PITPNM3: variants seen among roughly 807,000 people sequenced by gnomAD.
The protein encoded by PITPNM3 is membrane-associated phosphatidylinositol transfer protein 3.
PITPNM3 carries 26 observed loss-of-function variants against 102.0 expected under a neutral mutation model. That is an observed-to-expected ratio of 0.25 (90% CI 0.19 to 0.35). The LOEUF is 0.35. PITPNM3 is among the 10% of genes least tolerant of loss of function. The pLI, the probability that PITPNM3 is intolerant of heterozygous loss-of-function variation, is 1.00. For synonymous variants in PITPNM3, 578 were observed against 558.6 expected (o/e 1.03, Z -0.49); for missense variants, 1,083 against 1,346.1 (o/e 0.80, Z 3.06).
At position 6,452,036 on chromosome 17, in the gene PITPNM3, A is replaced by G. The variant is rs1227024397; in HGVS notation, c.*3302T>C. ...CTCCAGGGCACAGGTATGGGTCCCA[A>G]AGGGGTAAAAATACAGTTTAAAAAC... On this transcript the variant is annotated 3_prime_UTR_variant, in exon 20 of 20. Transcript: ENST00000262483. 1 of 152,082 alleles carries G rather than the reference A, an allele frequency of 6.6e-6. No individual in the cohort carries two copies. The highest frequency in any genetic ancestry group is 1.5e-5 in the Non-Finnish European group (1 of 68,004). The allele number at this position is 152,082 out of a possible 1,614,324, so 9.4% of individuals were successfully genotyped here.
intron 1 of PITPNM3, among the ~76,000 whole-genome samples, chr17:6,549,055 C>T (rs908097683): frequency 2.6e-5 from 4 of 152,062 alleles, no homozygotes; most frequent in Non-Finnish European, 5.9e-5. Flanking sequence ...GCTCCCAACA[C>T]CCCCAGGAAC....
In PITPNM3 at chr17:6,534,305, G is replaced by A. The variant is rs1023408197; in HGVS notation, c.118+3682C>T. ...TAGCCAGAGGAGCTGGCACCCTGCCGAGGAGTTGTTATGGTTCCAGAGAGC... is the reference window on the plus strand; with the variant it reads ...TAGCCAGAGGAGCTGGCACCCTGCCAAGGAGTTGTTATGGTTCCAGAGAGC... On this transcript the variant is annotated intron_variant, in intron 2 of 19. Coordinates refer to ENST00000262483, the MANE Select transcript of PITPNM3 (RefSeq NM_031220.4). Among the ~76,000 whole-genome samples, 16 of 152,298 alleles carry A rather than the reference G, an allele frequency of 1.1e-4. No individual in the cohort carries two copies. The South Asian group carries it at 1.7e-3, about 16-fold the overall frequency.
chr17:6,532,105 TAA>T (rs780964428), intron 2 of PITPNM3, among the ~76,000 whole-genome samples: 76 of 135,358 alleles, frequency 5.6e-4, no homozygotes, highest in African/African-American at 8.2e-4. Flanking sequence ...AAACTCCGTC[TAA>T]AAAAAAAAAA....
intron 19 of PITPNM3, among the ~76,000 whole-genome samples, chr17:6,456,613 T>C (rs1046592262): frequency 1.3e-5 from 2 of 152,148 alleles, no homozygotes; most frequent in Admixed American, 1.3e-4. Flanking sequence ...CAGGTGATGC[T>C]TGTGCACTTC....
At chr17:6,536,126 C>T (rs1489306364) in intron 2 of PITPNM3, among the ~76,000 whole-genome samples, 1 of 151,518 alleles carries the variant, frequency 6.6e-6, no homozygotes, top group Non-Finnish European at 1.5e-5. Context: ...AACACAGGGC[C>T]ACCAACATGG....
At chr17:6,506,037 G>C (rs1197131674) in intron 3 of PITPNM3, among the ~76,000 whole-genome samples, 1 of 152,142 alleles carries the variant, frequency 6.6e-6, no homozygotes, top group Non-Finnish European at 1.5e-5. Context: ...GGGTGTGAGA[G>C]AGCATGGTCC....
intron 4 of PITPNM3, among the ~76,000 whole-genome samples, chr17:6,485,997 T>C (rs1384460028): frequency 6.6e-6 from 1 of 152,152 alleles, no homozygotes; most frequent in East Asian, 1.9e-4. Flanking sequence ...TCTGGCCCTT[T>C]CCAGAAATGT....
intron 14 of PITPNM3, among the ~76,000 whole-genome samples, chr17:6,466,331 C>T (rs1904766665): frequency 6.6e-6 from 1 of 152,200 alleles, no homozygotes; most frequent in Non-Finnish European, 1.5e-5. Context: ...TAATTCAATC[C>T]AACAAATATC....
intron 3 of PITPNM3, among the ~76,000 whole-genome samples, chr17:6,508,943 G>C (rs766936552): frequency 1.3e-5 from 2 of 152,178 alleles, no homozygotes; most frequent in Non-Finnish European, 2.9e-5. Context: ...CAACTGTGCA[G>C]CTGGCTCAGC....
At chr17:6,542,563 A>G (rs575018353) in intron 1 of PITPNM3, among the ~76,000 whole-genome samples, 1 of 152,334 alleles carries the variant, frequency 6.6e-6, no homozygotes, top group South Asian at 2.1e-4. Context: ...ACCAGTGGCT[A>G]ATCTAGGACC....
Position 6,468,413 on chromosome 17 carries a change from C to A in PITPNM3, c.1774-72G>T. On this transcript the variant is annotated intron_variant, in intron 13 of 19. Transcript: ENST00000262483. This position sits in a 1 kb window ranked among gnomAD's most constrained non-coding sequence, Gnocchi z 5.2. ...TGCTTCCCTCCCAGGGTGTCAGTGC[C>A]CACCAGCTTGTGGCCAGCTGGGCCC... is the stretch of plus-strand genomic sequence containing the variant. The A allele has an allele frequency of 6.7e-7, 1 of 1,498,502 alleles. No individual in the cohort carries two copies. 92.8% of individuals were successfully genotyped at this position (1,498,502 alleles called of 1,614,324 possible). A position where few individuals can be genotyped will look rare whatever the true frequency, so the allele number is the denominator to read the frequency against.
rs568717902 is a variant in PITPNM3, at chr17:6,503,871, C to T, written c.227-297G>A. Among the ~76,000 whole-genome samples, 947 of 152,246 alleles carry T rather than the reference C, an allele frequency of 6.2e-3. 12 individuals are homozygous for T. Among genetic ancestry groups the T allele is most frequent in the African/African-American group, 0.021 (891 of 41,532 alleles). On this transcript the variant is annotated intron_variant, in intron 3 of 19. Transcript: ENST00000262483. The stretch of plus-strand genomic sequence containing the variant: ...CTCTCCTCCCTCCTCTATAAAGCAG[C>T]GGCTTCCCAGGAGCTGCCTGCCTCT...
intron 8 of PITPNM3, 61 bp downstream of exon 8, chr17:6,477,914 C>T (rs1905406023): frequency 4.4e-6 from 7 of 1,602,128 alleles, no homozygotes; most frequent in South Asian, 2.2e-5. Flanking sequence ...ACTCTCTCCC[C>T]GAGGGGCAGG....
At chr17:6,498,357 C>T (rs79961854) in intron 4 of PITPNM3, among the ~76,000 whole-genome samples, 4,855 of 152,320 alleles carry the variant, frequency 0.032, 153 homozygotes, top group South Asian at 0.13. Context: ...CCTGGGGAAA[C>T]GGGAGAGCTG....
At position 6,461,451 on chromosome 17, in the gene PITPNM3, G is replaced by T. The variant is rs896327448; in HGVS notation, c.2412C>A (p.Gly804=). 6.2e-7 allele frequency: 1 copy of T among 1,614,170 alleles called. No individual in the cohort carries two copies. The change falls in exon 18 of 20, where the codon GGC becomes GGA. Residue 804 remains glycine (G), a synonymous_variant. Transcript: ENST00000262483. ...SWLSQHNFPQ[G]MIFFSDGLVH... ...CCAGCCCATCGGAGAAGAAGATCAT[G>T]CCCTGTGGGAAGTTGTGCTGGGACA...
intron 3 of PITPNM3, among the ~76,000 whole-genome samples, chr17:6,519,782 A>G (rs546968018): frequency 9.9e-5 from 15 of 152,116 alleles, no homozygotes; most frequent in African/African-American, 3.4e-4. Context: ...GTGAGCCAAG[A>G]TCACACCACT....
chr17:6,536,341 G>A (rs1030728985), intron 2 of PITPNM3, among the ~76,000 whole-genome samples: 22 of 152,230 alleles, frequency 1.4e-4, no homozygotes, highest in African/African-American at 5.3e-4. Flanking sequence ...AGCTGGGAAC[G>A]CAGAGCCCTG....
At chr17:6,461,297 G>T in intron 18 of PITPNM3, 76 bp downstream of exon 18, 1 of 1,523,486 alleles carries the variant, frequency 6.6e-7, no homozygotes. Context: ...CACCCGGGAG[G>T]AGGGAGATGG....
At chr17:6,465,562 C>T (rs534378635) in intron 14 of PITPNM3, among the ~76,000 whole-genome samples, 5 of 152,304 alleles carry the variant, frequency 3.3e-5, no homozygotes, top group Admixed American at 1.3e-4. Flanking sequence ...AACAAAGCCT[C>T]GTGTTCCCAG....
Sources: gnomAD v4.1 joint callset for allele counts (sites outside exome capture counted in the v4.1 genomes callset) on GRCh38, gnomAD v4.1.1 for gene constraint, Gnocchi (gnomAD v3.1) non-coding constraint, MANE v1.5 for transcripts, NCBI Gene and HGNC (gene_info 2026-07-23, HGNC 2026-07-21) for gene names.